STXBP5L: variants seen among roughly 807,000 people sequenced by gnomAD.
STXBP5L encodes syntaxin-binding protein 5-like.
STXBP5L carries 65 observed loss-of-function variants against 144.5 expected under a neutral mutation model. That is an observed-to-expected ratio of 0.45 (90% CI 0.37 to 0.55). The LOEUF is 0.55. STXBP5L is among the 20% of genes least tolerant of loss of function. The pLI, the probability that STXBP5L is intolerant of heterozygous loss-of-function variation, is 0.00. For missense variants in STXBP5L, 1,298 were observed against 1,405.5 expected (o/e 0.92, Z 1.22); for synonymous variants, 505 against 469.6 (o/e 1.08, Z -0.97).
intron 18 of STXBP5L, among the ~76,000 whole-genome samples, chr3:121,261,595 A>G (rs2050384173): frequency 6.6e-6 from 1 of 152,220 alleles, no homozygotes; most frequent in Admixed American, 6.5e-5. Flanking sequence ...CCAGGAATTC[A>G]AAGTTTTTAA....
At chr3:121,178,207 T>C (rs2047010523) in intron 9 of STXBP5L, among the ~76,000 whole-genome samples, 1 of 152,180 alleles carries the variant, frequency 6.6e-6, no homozygotes, top group African/African-American at 2.4e-5. Context: ...ATGGTGGTGA[T>C]TCTTGCACAA....
chr3:121,096,924 T>A (rs1369916914), intron 5 of STXBP5L, among the ~76,000 whole-genome samples: 1 of 152,176 alleles, frequency 6.6e-6, no homozygotes, highest in Admixed American at 6.5e-5. Flanking sequence ...GATGTTTAAG[T>A]CTGCTGAAGT....
At chr3:121,052,743 C>A (rs1948117292) in intron 5 of STXBP5L, among the ~76,000 whole-genome samples, 1 of 151,774 alleles carries the variant, frequency 6.6e-6, no homozygotes, top group Non-Finnish European at 1.5e-5. Context: ...AAGTTCTGGC[C>A]AGGGCAATCA....
chr3:121,130,384 G>C (rs1244304278), intron 7 of STXBP5L, among the ~76,000 whole-genome samples: 1 of 152,012 alleles, frequency 6.6e-6, no homozygotes, highest in Non-Finnish European at 1.5e-5. Context: ...AAATTGGGTG[G>C]GAGACATGGT....
intron 12 of STXBP5L, among the ~76,000 whole-genome samples, chr3:121,234,586 G>A (rs952508417): frequency 6.6e-6 from 1 of 151,982 alleles, no homozygotes; most frequent in African/African-American, 2.4e-5. Context: ...GTCTCCACAT[G>A]GAGTCAGCTC....
At chr3:121,011,931 A>G (rs552834693) in intron 3 of STXBP5L, among the ~76,000 whole-genome samples, 35 of 151,962 alleles carry the variant, frequency 2.3e-4, no homozygotes, top group Non-Finnish European at 4.7e-4. Context: ...CACTCCAGAA[A>G]GAAACTCTGT....
Position 121,041,751 on chromosome 3 carries a change from T to C in STXBP5L, c.339T>C (p.Ala113=). Residue 113 remains alanine, a synonymous_variant, in exon 4 of 27, where the codon GCT becomes GCC. Transcript: ENST00000471454. ...DCYCQHESGA[A]VLQLQFLINE... is the part of the protein sequence containing the mutation. ...ATTGCCAACATGAAAGTGGTGCAGCTGTCCTACAGCTCCAATTTTTGATCA... is the reference window on the plus strand; with the variant it reads ...ATTGCCAACATGAAAGTGGTGCAGCCGTCCTACAGCTCCAATTTTTGATCA... The C allele has an allele frequency of 6.2e-7, 1 of 1,612,820 alleles. No individual in the cohort carries two copies. The highest frequency in any genetic ancestry group is 8.5e-7 in the Non-Finnish European group (1 of 1,179,176).
At chr3:121,257,706 C>T (rs935479304) in intron 17 of STXBP5L, among the ~76,000 whole-genome samples, 1 of 152,104 alleles carries the variant, frequency 6.6e-6, no homozygotes, top group Non-Finnish European at 1.5e-5. Context: ...GGGAGGAATG[C>T]TTGAGACTAG....
chr3:121,391,329 A>G (rs895906310), intron 22 of STXBP5L, among the ~76,000 whole-genome samples: 1 of 152,066 alleles, frequency 6.6e-6, no homozygotes, highest in Non-Finnish European at 1.5e-5. Flanking sequence ...AATGGGTTTG[A>G]GCATCCTCCT....
intron 2 of STXBP5L, among the ~76,000 whole-genome samples, chr3:120,951,903 T>C (rs895153640): frequency 8.6e-5 from 13 of 151,656 alleles, no homozygotes; most frequent in Non-Finnish European, 1.2e-4. Flanking sequence ...TTGGAACCAA[T>C]CCAAATGTCC....
intron 20 of STXBP5L, among the ~76,000 whole-genome samples, chr3:121,336,802 G>A (rs148324234): frequency 2.0e-5 from 3 of 152,024 alleles, no homozygotes; most frequent in Admixed American, 6.6e-5. Flanking sequence ...ACACATGCAC[G>A]TGTGTATTCA....
At chr3:121,374,422 C>T (rs1055970017) in intron 20 of STXBP5L, among the ~76,000 whole-genome samples, 4 of 151,738 alleles carry the variant, frequency 2.6e-5, no homozygotes, top group African/African-American at 7.3e-5. Context: ...ATGATACCTC[C>T]AAAGGAACAC....
intron 3 of STXBP5L, among the ~76,000 whole-genome samples, chr3:121,004,884 C>A (rs957416283): frequency 2.0e-5 from 3 of 152,192 alleles, no homozygotes; most frequent in Non-Finnish European, 2.9e-5. Flanking sequence ...ACCAGCCTTG[C>A]ATCCCAGGGA....
At chr3:121,196,374 G>C (rs2047920370) in intron 9 of STXBP5L, among the ~76,000 whole-genome samples, 1 of 151,750 alleles carries the variant, frequency 6.6e-6, no homozygotes, top group African/African-American at 2.4e-5. Flanking sequence ...TTTTACCTCA[G>C]GTAATCCACC....
Position 121,382,103 on chromosome 3 carries a change from CTT to C in STXBP5L, c.2587+580_2587+581del, listed in dbSNP as rs34239616. ...TGTATTCTCTTCCTCCTTGAATTAT[CTT>C]TTTTTTTTGAAGAAGAGATAAGTAT... On this transcript the variant is annotated intron_variant, in intron 22 of 26. Transcript: ENST00000471454. 6.0e-3 allele frequency among the ~76,000 whole-genome samples: 890 copies of C among 148,850 alleles called. 2 individuals are homozygous for C. Among genetic ancestry groups the C allele is most frequent in the Non-Finnish European group, 0.01 (682 of 66,864 alleles).
intron 19 of STXBP5L, among the ~76,000 whole-genome samples, chr3:121,313,377 T>C (rs1201054179): frequency 8.2e-6 from 1 of 121,564 alleles, no homozygotes; most frequent in Admixed American, 8.0e-5. Flanking sequence ...ACTGGGCGGC[T>C]GGCCGGGCGG....
Position 121,288,786 on chromosome 3 carries a change from G to A in STXBP5L, c.2110+8830G>A, listed in dbSNP as rs11918744. Among the ~76,000 whole-genome samples the A allele has an allele frequency of 8.2e-3, 1,251 of 152,216 alleles. 22 individuals are homozygous for A. Among genetic ancestry groups the A allele is most frequent in the African/African-American group, 0.028 (1,170 of 41,510 alleles). The stretch of plus-strand genomic sequence containing the variant: ...TGCAAATATTTTCTCCTATCCTGAA[G>A]GTTGTCTGTATACTCTGTTGATAGT... On this transcript the variant is annotated intron_variant, in intron 19 of 26. Coordinates refer to ENST00000471454, the MANE Select transcript of STXBP5L (RefSeq NM_001308330.2).
intron 20 of STXBP5L, among the ~76,000 whole-genome samples, chr3:121,325,805 C>A (rs1395803530): frequency 6.6e-6 from 1 of 151,872 alleles, no homozygotes; most frequent in African/African-American, 2.4e-5. Flanking sequence ...TATCTTTAAT[C>A]CTTACATCTA....
chr3:121,347,454 C>T (rs1185337594), intron 20 of STXBP5L, among the ~76,000 whole-genome samples: 1 of 152,014 alleles, frequency 6.6e-6, no homozygotes, highest in African/African-American at 2.4e-5. Context: ...TTTTTTCATT[C>T]CATATGAACT....
Sources: gnomAD v4.1 joint callset for allele counts (sites outside exome capture counted in the v4.1 genomes callset) on GRCh38, gnomAD v4.1.1 for gene constraint, MANE v1.5 for transcripts, NCBI Gene and HGNC (gene_info 2026-07-23, HGNC 2026-07-21) for gene names.